BRF1: variants seen among roughly 807,000 people sequenced by gnomAD.
The protein encoded by BRF1 is BRF1 general transcription factor IIIB subunit.
A neutral mutation model predicts 81.7 loss-of-function variants in BRF1; 59 were observed. The observed-to-expected ratio is 0.72, with a 90% CI of 0.59 to 0.90. The LOEUF (loss-of-function observed/expected upper bound fraction) is 0.90, where lower values mean the gene tolerates loss of function less well. BRF1 is among the 40% of genes least tolerant of loss of function. The pLI is 0.00. For synonymous variants in BRF1, 491 were observed against 395.6 expected (o/e 1.24, Z -2.86); for missense variants, 1,050 against 936.3 (o/e 1.12, Z -1.58).
At chr14:105,211,929 G>A (rs7142008) in intron 16 of BRF1, 184 bp downstream of exon 16, 236,191 of 833,204 alleles carry the variant, frequency 0.28, 42,871 homozygotes, top group African/African-American at 0.73. Context: ...CTCCTGCTCC[G>A]GCAACCGGGA....
At chr14:105,308,359 G>A (rs2058250545) in intron 1 of BRF1, among the ~76,000 whole-genome samples, 1 of 152,032 alleles carries the variant, frequency 6.6e-6, no homozygotes, top group African/African-American at 2.4e-5. Flanking sequence ...GTACATGCCT[G>A]TGGTCCCAGC....
intron 5 of BRF1, among the ~76,000 whole-genome samples, chr14:105,251,914 A>G (rs1189558967): frequency 1.3e-5 from 2 of 151,978 alleles, no homozygotes; most frequent in African/African-American, 4.8e-5. Flanking sequence ...TACACCTAAC[A>G]CACATCAAGA....
At chr14:105,259,531 GT>G (rs1341896714) in intron 3 of BRF1, among the ~76,000 whole-genome samples, 1 of 152,222 alleles carries the variant, frequency 6.6e-6, no homozygotes, top group Non-Finnish European at 1.5e-5. Flanking sequence ...ACGGGGAGCA[GT>G]CCAGGTGTCC....
intron 10 of BRF1, among the ~76,000 whole-genome samples, chr14:105,225,521 C>G (rs1892943850): frequency 6.6e-6 from 1 of 152,204 alleles, no homozygotes. Context: ...AAATTCCAAC[C>G]TGACTCTAGT....
intron 15 of BRF1, among the ~76,000 whole-genome samples, chr14:105,217,024 C>T (rs75331388): frequency 0.012 from 1,862 of 152,320 alleles, 35 homozygotes; most frequent in African/African-American, 0.042. Context: ...CACTCCAAGG[C>T]GGCCCTGCAT....
At position 105,314,487 on chromosome 14, in the gene BRF1, T is replaced by G. The variant is rs1358483600; in HGVS notation, c.-162+835A>C. 2.8e-5 allele frequency: 4 copies of G among 143,098 alleles called. No individual in the cohort carries two copies. The South Asian group carries it at 8.7e-4, about 31-fold the overall frequency. 8.9% of individuals were successfully genotyped at this position (143,098 alleles called of 1,614,324 possible). On this transcript the variant is annotated intron_variant, in intron 1 of 17. Transcript: ENST00000327359. Reference sequence around the variant, plus strand: ...GCGGGGCGGGGCGCCCCGGGCGGGGTCTGTGCGCAGGCGCGTGAGTGCGCG... The same window carrying G: ...GCGGGGCGGGGCGCCCCGGGCGGGGGCTGTGCGCAGGCGCGTGAGTGCGCG...
chr14:105,213,251 G>A (rs1367187996), intron 15 of BRF1: 1 of 152,240 alleles, frequency 6.6e-6, no homozygotes, highest in African/African-American at 2.4e-5. Context: ...CTCTCCAGAA[G>A]TGGCTGGCGC....
At chr14:105,247,795 G>C in intron 5 of BRF1, 3 of 985,568 alleles carry the variant, frequency 3.0e-6, no homozygotes, top group South Asian at 9.4e-5. Flanking sequence ...CTGCACGCGA[G>C]CTTGGCATGC....
At chr14:105,261,349 C>T (rs1808834868) in intron 3 of BRF1, among the ~76,000 whole-genome samples, 1 of 152,246 alleles carries the variant, frequency 6.6e-6, no homozygotes, top group Admixed American at 6.5e-5. Flanking sequence ...ATGGTCCAGT[C>T]ATGACGGTGC....
At position 105,209,338 on chromosome 14, in the gene BRF1, C is replaced by CAAGCCCTCGAG. The variant is rs1889817985; in HGVS notation, c.*1202_*1212dup. 1.8e-6 allele frequency: 1 copy of CAAGCCCTCGAG among 566,816 alleles called. No homozygotes were observed. The highest frequency in any genetic ancestry group is 1.9e-5 in the African/African-American group (1 of 52,248). The allele number at this position is 566,816 out of a possible 1,614,324, so 35.1% of individuals were successfully genotyped here. ...TGCTTTACTAAATCTATTCTTCCCC[C>CAAGCCCTCGAG]AAGCCCTCGAGAAGCCCTGGCAGGA... On this transcript the variant is annotated 3_prime_UTR_variant, in exon 18 of 18. Coordinates refer to ENST00000547530, the MANE Select transcript of BRF1 (RefSeq NM_001519.4).
chr14:105,215,801 CTGCATACACAGGCACACACACA>C (rs1203427898), intron 15 of BRF1, among the ~76,000 whole-genome samples: 19 of 145,426 alleles, frequency 1.3e-4, no homozygotes, highest in African/African-American at 4.9e-4. Context: ...TGCACACACA[CTGCATACACAGGCACACACACA>C]TGCACACACA....
intron 10 of BRF1, among the ~76,000 whole-genome samples, chr14:105,223,531 T>A (rs1595292316): frequency 7.2e-6 from 1 of 139,304 alleles, no homozygotes; most frequent in African/African-American, 3.0e-5. Context: ...AATTACACTG[T>A]GAAAAAAGCC....
chr14:105,251,909 C>T (rs960945367), intron 5 of BRF1, among the ~76,000 whole-genome samples: 1 of 152,026 alleles, frequency 6.6e-6, no homozygotes, highest in Non-Finnish European at 1.5e-5. Context: ...TACCCTACAC[C>T]TAACACACAT....
chr14:105,250,688 T>G, intron 5 of BRF1: 1 of 1,595,598 alleles, frequency 6.3e-7, no homozygotes, highest in Non-Finnish European at 8.6e-7. Flanking sequence ...CCGGGGAGGC[T>G]GCAGCAGGTC....
intron 3 of BRF1, among the ~76,000 whole-genome samples, chr14:105,265,999 G>A (rs1331350635): frequency 6.6e-6 from 1 of 150,942 alleles, no homozygotes; most frequent in Admixed American, 6.6e-5. Context: ...TGAACCCAGA[G>A]GGCAGAGGTT....
intron 5 of BRF1, chr14:105,247,340 G>A: frequency 1.0e-6 from 1 of 985,482 alleles, no homozygotes; most frequent in Non-Finnish European, 1.2e-6. Flanking sequence ...TACGTGACAA[G>A]TCTCAAGTTC....
chr14:105,261,895 C>T (rs1487016157), intron 3 of BRF1, among the ~76,000 whole-genome samples: 1 of 152,232 alleles, frequency 6.6e-6, no homozygotes, highest in Admixed American at 6.5e-5. Flanking sequence ...TGCACCGGCC[C>T]ACGGCTCACT....
In BRF1 at chr14:105,221,681, G is replaced by A. The variant is rs376686999; in HGVS notation, c.1282C>T (p.Arg428Cys). The change falls in exon 11 of 18, where the codon CGC becomes TGC. Residue 428 changes from arginine to cysteine, a missense_variant. Physicochemically the swap from Arg to Cys is radical, Grantham distance 180. Around this residue, in one of 2 missense-constraint regions of BRF1, gnomAD observed 1,043 missense variants for 915.4 expected, o/e 1.14. Coordinates refer to ENST00000547530, the MANE Select transcript of BRF1 (RefSeq NM_001519.4). Reference sequence around the variant, plus strand: ...CTGCTCTGAGAGGAGATGCATTCGCGGATGGAGTCTGAGATGCCCAGGCTG... The same window carrying A: ...CTGCTCTGAGAGGAGATGCATTCGCAGATGGAGTCTGAGATGCCCAGGCTG... ...AASLGISDSI[R>C]ECISSQSSDP... The A allele has an allele frequency of 2.9e-5, 46 of 1,611,518 alleles. No homozygotes were observed. Among genetic ancestry groups the A allele is most frequent in the Non-Finnish European group, 3.5e-5 (41 of 1,179,914 alleles).
rs147161847 is a variant in BRF1 at position 105,313,096 on chromosome 14, G to A, written c.-162+2226C>T. 2.9e-3 allele frequency among the ~76,000 whole-genome samples: 437 copies of A among 152,272 alleles called. 3 individuals carry two copies. The highest frequency in any genetic ancestry group is 0.01 in the African/African-American group (427 of 41,548). On this transcript the variant is annotated intron_variant, in intron 1 of 17. Coordinates refer to the BRF1 transcript ENST00000327359. ...GCTGGTGCCAAGCCCTGCTGTGCACGGCTTAGTCACCCCGCATCTCCTCAC... is the reference window on the plus strand; with the variant it reads ...GCTGGTGCCAAGCCCTGCTGTGCACAGCTTAGTCACCCCGCATCTCCTCAC...
Sources: allele counts gnomAD v4.1 joint callset (sites outside exome capture counted in the v4.1 genomes callset), GRCh38; gene constraint gnomAD v4.1.1; regional missense constraint gnomAD v4.1.1; transcripts MANE v1.5; gene names NCBI Gene and HGNC (gene_info 2026-07-23, HGNC 2026-07-21).